KANK1: variants seen among roughly 807,000 people sequenced by gnomAD.
KANK1 encodes KN motif and ankyrin repeat domains 1, also known as KN motif and ankyrin repeat domain-containing protein 1.
A neutral mutation model predicts 106.2 loss-of-function variants in KANK1; 109 were observed. The observed-to-expected ratio is 1.03, with a 90% CI of 0.88 to 1.20. KANK1 has a LOEUF of 1.20. Ranked by LOEUF, KANK1 falls within the 50% of genes most tolerant of loss-of-function variation. The probability of loss-of-function intolerance (pLI) is 0.00; values close to 1 mark genes in which losing one functional copy is unlikely to be tolerated. For synonymous variants in KANK1, 873 were observed against 652.2 expected, an observed-to-expected ratio of 1.34 and a Z score of -5.16; for missense variants, 2,399 against 1,710.7, an observed-to-expected ratio of 1.40 and a Z score of -7.10.
intron 1 of KANK1, among the ~76,000 whole-genome samples, chr9:590,695 C>T: frequency 6.7e-6 from 1 of 149,182 alleles, no homozygotes; most frequent in South Asian, 2.1e-4. Flanking sequence ...AGAAATGCAC[C>T]CTGCTTTTCT....
intron 3 of KANK1, among the ~76,000 whole-genome samples, chr9:726,332 A>G (rs1337937967): frequency 6.6e-6 from 1 of 152,116 alleles, no homozygotes; most frequent in African/African-American, 2.4e-5. Flanking sequence ...GATCTTTTCT[A>G]GTTTCCGTTA....
At chr9:550,819 T>C (rs974729678) in intron 1 of KANK1, among the ~76,000 whole-genome samples, 8 of 152,290 alleles carry the variant, frequency 5.3e-5, no homozygotes, top group African/African-American at 1.9e-4. Context: ...ATCCTATTTC[T>C]TTTTCCATTC....
chr9:609,259 G>A (rs7042744), intron 1 of KANK1, among the ~76,000 whole-genome samples: 113,597 of 152,188 alleles, frequency 0.75, 42,791 homozygotes, highest in Non-Finnish European at 0.78. Flanking sequence ...TTTATTGTTT[G>A]TAAATTAAAT....
intron 1 of KANK1, among the ~76,000 whole-genome samples, chr9:634,949 A>C (rs1221936774): frequency 6.6e-6 from 1 of 152,250 alleles, no homozygotes; most frequent in Non-Finnish European, 1.5e-5. Context: ...AGTGCCAGGC[A>C]TCACATCTAG....
intron 6 of KANK1, chr9:733,138 G>A (rs1564109473): frequency 6.6e-6 from 1 of 152,474 alleles, no homozygotes; most frequent in African/African-American, 2.4e-5. Context: ...ATGGATTTGG[G>A]TATATCATAA....
chr9:736,141 G>C (rs1037360140), intron 7 of KANK1, among the ~76,000 whole-genome samples: 3 of 152,094 alleles, frequency 2.0e-5, no homozygotes, highest in African/African-American at 7.2e-5. Flanking sequence ...TGTATTTTTA[G>C]TAGAGACCGG....
intron 3 of KANK1, 60 bp downstream of exon 3, chr9:713,524 A>C: frequency 6.7e-7 from 1 of 1,498,900 alleles, no homozygotes; most frequent in South Asian, 1.4e-5. Context: ...TCTTTCCAGA[A>C]GCTAAGGATT....
chr9:503,001 ATTTTTTTTTTT>A (rs35195436), upstream of KANK1, among the ~76,000 whole-genome samples: 2,527 of 70,340 alleles, frequency 0.036, 108 homozygotes, highest in South Asian at 0.22. Context: ...CGCCCAGCTG[ATTTTTTTTTTT>A]TTTTTTTTTT....
At chr9:714,937 G>A (rs561385130) in intron 3 of KANK1, among the ~76,000 whole-genome samples, 2 of 152,308 alleles carry the variant, frequency 1.3e-5, no homozygotes, top group African/African-American at 4.8e-5. Context: ...CTGGGAAAGA[G>A]TGTGCATTAG....
intron 3 of KANK1, among the ~76,000 whole-genome samples, chr9:499,169 C>G (rs2058507271): frequency 6.7e-6 from 1 of 149,684 alleles, no homozygotes; most frequent in South Asian, 2.1e-4. Flanking sequence ...CAGAGCAAGA[C>G]TCTGTCTCAA....
intron 1 of KANK1, chr9:549,748 T>C (rs916678456): frequency 8.5e-5 from 13 of 152,240 alleles, no homozygotes; most frequent in Non-Finnish European, 1.8e-4. Flanking sequence ...CTGTATGACA[T>C]AGGAACTATG....
In KANK1 at chr9:730,117, C is replaced by A. The variant is rs535343937; in HGVS notation, c.2765C>A (p.Thr922Lys). The part of the protein sequence containing the change: ...LQSGSPLSSQ[T>K]SQPEQEVGTS... ...TCAGGAAGTCCCTTAAGCTCCCAGACATCCCAGCCTGAGCAAGAAGTGGGG... is the reference window on the plus strand; with the variant it reads ...TCAGGAAGTCCCTTAAGCTCCCAGAAATCCCAGCCTGAGCAAGAAGTGGGG... The change falls in exon 4 of 12, where the codon ACA becomes AAA. Residue 922 changes from threonine (T) to lysine (K), a missense_variant. Coordinates refer to ENST00000382297, the MANE Select transcript of KANK1 (RefSeq NM_015158.5). 3.7e-6 allele frequency: 6 copies of A among 1,614,074 alleles called. No homozygotes were observed. In the Admixed American group the frequency reaches 1.0e-4, roughly 27 times the overall value.
chr9:536,054 C>T (rs538081381), intron 1 of KANK1, among the ~76,000 whole-genome samples: 72 of 152,176 alleles, frequency 4.7e-4, no homozygotes, highest in Middle Eastern at 6.8e-3. Context: ...TAAAACAGCA[C>T]GTGTGGGGCG....
chr9:735,583 G>C (rs529999628), intron 7 of KANK1: 2 of 185,384 alleles, frequency 1.1e-5, no homozygotes, highest in East Asian at 2.6e-4. Flanking sequence ...GATCCCCTAA[G>C]GATACCGAAA....
chr9:543,576 A>T (rs910676258), intron 1 of KANK1, among the ~76,000 whole-genome samples: 3 of 151,712 alleles, frequency 2.0e-5, no homozygotes, highest in Non-Finnish European at 4.4e-5. Context: ...AAAAAAAAAA[A>T]AAATTGAAAA....
intron 8 of KANK1, 67 bp from the exon 9 acceptor site, chr9:740,725 G>T: frequency 1.3e-6 from 2 of 1,539,686 alleles, no homozygotes; most frequent in Non-Finnish European, 1.8e-6. Context: ...CCCTTCAGTG[G>T]CTTCGTAAGC....
chr9:707,358 C>T (rs1219186693), intron 2 of KANK1: 2 of 458,232 alleles, frequency 4.4e-6, no homozygotes, highest in Non-Finnish European at 5.8e-6. Flanking sequence ...TTCACTCCAC[C>T]GCAGGCCTAC....
chr9:720,809 T>C (rs1231291400), intron 3 of KANK1, among the ~76,000 whole-genome samples: 1 of 152,174 alleles, frequency 6.6e-6, no homozygotes. Context: ...ATTACTCCTG[T>C]TTTTATCCCT....
intron 3 of KANK1, among the ~76,000 whole-genome samples, chr9:475,009 A>G (rs934886733): frequency 6.6e-6 from 1 of 152,184 alleles, no homozygotes; most frequent in South Asian, 2.1e-4. Flanking sequence ...GGTGATGGTC[A>G]CATGGTTGTT....
Sources: gnomAD v4.1 joint callset for allele counts (sites outside exome capture counted in the v4.1 genomes callset) on GRCh38, gnomAD v4.1.1 for gene constraint, MANE v1.5 for transcripts, NCBI Gene and HGNC (gene_info 2026-07-23, HGNC 2026-07-21) for gene names.